Variants in DACT2 observed in about 807,000 individuals in gnomAD.
DACT2 encodes dapper homolog 2.
In DACT2, 20 loss-of-function variants were observed where a neutral mutation model predicts 22.2. The ratio of observed to expected loss-of-function variants is 0.90; its 90% CI spans 0.63 to 1.31. DACT2 has a LOEUF of 1.31. DACT2 is among the 50% of genes most tolerant of loss of function. The pLI is 0.00. For synonymous variants in DACT2, 463 were observed against 479.8 expected, an observed-to-expected ratio of 0.96 and a Z score of 0.46; for missense variants, 1,048 against 1,061.4, an observed-to-expected ratio of 0.99 and a Z score of 0.18.
intron 2 of DACT2, 52 bp from the exon 3 acceptor site, chr6:168,310,498 G>A: frequency 6.6e-7 from 1 of 1,523,740 alleles, no homozygotes; most frequent in Non-Finnish European, 8.8e-7. Context: ...AAAAGCCCAG[G>A]GCCCCCTCTC....
In DACT2 at chr6:168,319,755, G is replaced by C; in HGVS notation, c.-122C>G. Reference sequence around the variant, plus strand: ...CCTCTCTCCGCCCCCGGCTCCGCAGGTCGCCAAGGTGGGCTGGAATCTGTG... The same window carrying C: ...CCTCTCTCCGCCCCCGGCTCCGCAGCTCGCCAAGGTGGGCTGGAATCTGTG... On this transcript the variant is annotated 5_prime_UTR_variant, in exon 1 of 4. Transcript: ENST00000366795. 1.7e-6 allele frequency: 2 copies of C among 1,175,226 alleles called. No homozygotes were observed. Among genetic ancestry groups the C allele is most frequent in the Non-Finnish European group, 2.1e-6 (2 of 951,282 alleles). The allele number at this position is 1,175,226 out of a possible 1,614,324, so 72.8% of individuals were successfully genotyped here.
Position 168,307,130 on chromosome 6 carries a change from A to G in DACT2, c.*302T>C. On this transcript the variant is annotated 3_prime_UTR_variant, in exon 4 of 4. Transcript: ENST00000366795. This position sits in a 1 kb window ranked among gnomAD's most constrained non-coding sequence, Gnocchi z 5.3. ...CAGGGGAAGCCATGGGAGGATGACAACATGGAAACAAGGTGCATGCCGGGA... is the reference window on the plus strand; with the variant it reads ...CAGGGGAAGCCATGGGAGGATGACAGCATGGAAACAAGGTGCATGCCGGGA... 8.5e-7 allele frequency: 1 copy of G among 1,181,970 alleles called. No homozygotes were observed. Among genetic ancestry groups the G allele is most frequent in the African/African-American group, 1.6e-5 (1 of 62,752 alleles). 73.2% of individuals were successfully genotyped at this position (1,181,970 alleles called of 1,614,324 possible).
chr6:168,301,749 C>T (rs73789349), intron 3 of DACT2, among the ~76,000 whole-genome samples: 3,471 of 152,346 alleles, frequency 0.023, 120 homozygotes, highest in African/African-American at 0.079. Flanking sequence ...TCTGCCTGCC[C>T]AGCCCACTCA....
rs1437213801 is a variant in DACT2, at chr6:168,319,521, G to A, written c.113C>T (p.Thr38Met). The change falls in exon 1 of 4, where the codon ACG (threonine) becomes ATG (methionine). Residue 38 changes from threonine (T) to methionine (M), a missense_variant. Thr to Met is a moderately conservative substitution (Grantham distance 81). Transcript: ENST00000366795. Reference protein sequence around the residue: ...GLQELQGLRATQQERVRGALA... With the variant: ...GLQELQGLRAMQQERVRGALA... Reference sequence around the variant, plus strand: ...GGCGCCCCGTACCCGCTCCTGCTGCGTGGCTCGCAGCCCCTGCAGCTCCTG... The same window carrying A: ...GGCGCCCCGTACCCGCTCCTGCTGCATGGCTCGCAGCCCCTGCAGCTCCTG... 1.1e-5 allele frequency: 15 copies of A among 1,355,680 alleles called. No individual in the cohort carries two copies. In the African/African-American group the frequency reaches 1.7e-4, roughly 15 times the overall value. 84.0% of individuals were successfully genotyped at this position (1,355,680 alleles called of 1,614,324 possible).
In DACT2 at chr6:168,309,037, C is replaced by T. The variant is rs1285388334; in HGVS notation, c.720G>A (p.Glu240=). 1.7e-5 allele frequency: 26 copies of T among 1,544,784 alleles called. No homozygotes were observed. In the East Asian group the frequency reaches 2.9e-4, roughly 17 times the overall value. The change falls in exon 4 of 4, where the codon GAG becomes GAA. Residue 240 remains glutamate, a synonymous_variant. Transcript: ENST00000366795. Reference sequence around the variant, plus strand: ...CCCCCTGGCAGAGGAGCCCGAGGAGCTCGGCGTCCGCGCTGGCTTTCTGGA... The same window carrying T: ...CCCCCTGGCAGAGGAGCCCGAGGAGTTCGGCGTCCGCGCTGGCTTTCTGGA... The part of the protein sequence containing the change: ...TGLQKASADA[E]LLGLLCQGVD...
Position 168,308,151 on chromosome 6 carries a change from G to T in DACT2, c.1606C>A (p.Pro536Thr). The change falls in exon 4 of 4, where the codon CCT becomes ACT. Residue 536 changes from proline to threonine, a missense_variant. Transcript: ENST00000366795. Reference protein sequence around the residue: ...AAPQPSLEWDPAHWPTGRGGL... With the variant: ...AAPQPSLEWDTAHWPTGRGGL... ...CCCCTCCCTGTGGGCCAGTGGGCAG[G>T]GTCCCACTCCAGGGATGGCTGGGGG... The T allele has an allele frequency of 1.3e-6, 2 of 1,550,594 alleles. No individual in the cohort carries two copies. Among genetic ancestry groups the T allele is most frequent in the South Asian group, 1.2e-5 (1 of 84,016 alleles).
Position 168,307,173 on chromosome 6 carries a change from A to G in DACT2, c.*259T>C. The G allele has an allele frequency of 7.5e-7, 1 of 1,338,908 alleles. No individual in the cohort carries two copies. The highest frequency in any genetic ancestry group is 9.6e-7 in the Non-Finnish European group (1 of 1,046,406). The allele number at this position is 1,338,908 out of a possible 1,614,324, so 82.9% of individuals were successfully genotyped here. The stretch of plus-strand genomic sequence containing the variant: ...TGCCGGGAAGCAGCATCCTGGGCAG[A>G]CCTTGAAAAGAGACACTAGGTCGGC... On this transcript the variant is annotated 3_prime_UTR_variant, in exon 4 of 4. Transcript: ENST00000366795. The surrounding 1 kb of genome is among the most constrained non-coding windows in gnomAD (Gnocchi z 5.3).
At chr6:168,294,124 A>G (rs924511815) in intron 5 of DACT2, 2 of 703,002 alleles carry the variant, frequency 2.8e-6, no homozygotes, top group Non-Finnish European at 5.2e-6. Flanking sequence ...GTGAGCATGG[A>G]GCACTTACCA....
Position 168,308,964 on chromosome 6 carries a change from C to G in DACT2, c.793G>C (p.Val265Leu). 5.2e-6 allele frequency: 8 copies of G among 1,549,520 alleles called. No individual in the cohort carries two copies. Among genetic ancestry groups the G allele is most frequent in the Non-Finnish European group, 7.0e-6 (8 of 1,146,966 alleles). The change falls in exon 4 of 4, where the codon GTG becomes CTG. Residue 265 changes from valine to leucine, a missense_variant. Coordinates refer to ENST00000366795, the MANE Select transcript of DACT2 (RefSeq NM_214462.5). Reference protein sequence around the residue: ...VPDPKYRQDLVSQGGREVYPY... With the variant: ...VPDPKYRQDLLSQGGREVYPY... ...TACACCTCCCTGCCGCCCTGGGACA[C>G]CAGGTCCTGCCGATACTTGGGGTCC...
At chr6:168,301,006 CAAAA>C (rs574174392) in intron 3 of DACT2, among the ~76,000 whole-genome samples, 4 of 147,408 alleles carry the variant, frequency 2.7e-5, no homozygotes, top group African/African-American at 7.8e-5. Flanking sequence ...AACAAACAAA[CAAAA>C]AAACAAAAAA....
chr6:168,311,101 C>T, intron 2 of DACT2, 51 bp downstream of exon 2: 1 of 1,479,488 alleles, frequency 6.8e-7, no homozygotes. Flanking sequence ...TTCACCTCTG[C>T]CTGTGCTGCG....
Position 168,308,271 on chromosome 6 carries a change from C to T in DACT2, c.1486G>A (p.Ala496Thr). Residue 496 changes from alanine (A) to threonine (T), a missense_variant, in exon 4 of 4, where the codon GCT becomes ACT. Physicochemically the swap from Ala to Thr is moderately conservative, Grantham distance 58. Coordinates refer to ENST00000366795, the MANE Select transcript of DACT2 (RefSeq NM_214462.5). ...SLKMGPPKSK[A>T]EKIKRSPMDK... ...ATGGGACTTCTCTTGATTTTTTCAG[C>T]CTTGCTCTTGGGGGGACCCATTTTC... The T allele has an allele frequency of 6.4e-7, 1 of 1,552,264 alleles. No individual in the cohort carries two copies. Among genetic ancestry groups the T allele is most frequent in the Non-Finnish European group, 8.7e-7 (1 of 1,147,102 alleles).
intron 3 of DACT2, among the ~76,000 whole-genome samples, chr6:168,309,965 G>A (rs1188246385): frequency 6.6e-6 from 1 of 152,202 alleles, no homozygotes; most frequent in African/African-American, 2.4e-5. Context: ...TGTTATTAGA[G>A]CTGGTGGTGA....
At chr6:168,306,799 T>C (rs1562493982), downstream of DACT2, 6 of 819,814 alleles carry the variant, frequency 7.3e-6, no homozygotes, top group Admixed American at 3.1e-4. Context: ...TACTCACTTA[T>C]AAGATGCCTT....
rs1450231847 is a variant in DACT2, at chr6:168,319,669, A to T, written c.-36T>A. On this transcript the variant is annotated 5_prime_UTR_variant, in exon 1 of 4. Coordinates refer to ENST00000366795, the MANE Select transcript of DACT2 (RefSeq NM_214462.5). ...GGGTCCCGGCCTCCCGAACCCCACGAGCGGCGCCGGAGGCCCAGCGCGCGC... is the reference window on the plus strand; with the variant it reads ...GGGTCCCGGCCTCCCGAACCCCACGTGCGGCGCCGGAGGCCCAGCGCGCGC... 1 of 1,209,360 alleles carries T rather than the reference A, an allele frequency of 8.3e-7. No individual in the cohort carries two copies. Among genetic ancestry groups the T allele is most frequent in the Non-Finnish European group, 1.0e-6 (1 of 972,012 alleles). The allele number at this position is 1,209,360 out of a possible 1,614,324, so 74.9% of individuals were successfully genotyped here.
At chr6:168,297,801 T>C (rs1252809835) in intron 3 of DACT2, among the ~76,000 whole-genome samples, 1 of 152,226 alleles carries the variant, frequency 6.6e-6, no homozygotes, top group East Asian at 1.9e-4. Context: ...AGTCCATCAT[T>C]AGAGGAATGG....
At chr6:168,306,528 C>T (rs540492488), downstream of DACT2, among the ~76,000 whole-genome samples, 22 of 152,026 alleles carry the variant, frequency 1.4e-4, no homozygotes, top group Admixed American at 7.2e-4. Flanking sequence ...CTGCAGCCTC[C>T]GCCTCCTGGG....
At position 168,307,034 on chromosome 6, in the gene DACT2, CTTTAAAATGCT is replaced by C. The variant is rs1779224702; in HGVS notation, c.*387_*397del. The C allele has an allele frequency of 9.8e-7, 1 of 1,015,792 alleles. No homozygotes were observed. The highest frequency in any genetic ancestry group is 1.7e-5 in the African/African-American group (1 of 58,060). 62.9% of individuals were successfully genotyped at this position (1,015,792 alleles called of 1,614,324 possible). ...CCAGCTCAGAGTCCTGCAACCGCCT[CTTTAAAATGCT>C]TTTGGGGAGGAATGGTCAAAGGATT... On this transcript the variant is annotated 3_prime_UTR_variant, in exon 4 of 4. Coordinates refer to ENST00000366795, the MANE Select transcript of DACT2 (RefSeq NM_214462.5). The surrounding 1 kb of genome is among the most constrained non-coding windows in gnomAD (Gnocchi z 5.3).
downstream of DACT2, among the ~76,000 whole-genome samples, chr6:168,305,230 ATGG>A (rs1779180856): frequency 6.6e-6 from 1 of 152,164 alleles, no homozygotes; most frequent in Non-Finnish European, 1.5e-5. Flanking sequence ...TGGAGTCTGC[ATGG>A]TTCTCCTGGT....
Sources: gnomAD v4.1 joint callset for allele counts (sites outside exome capture counted in the v4.1 genomes callset) on GRCh38, gnomAD v4.1.1 for gene constraint, Gnocchi (gnomAD v3.1) non-coding constraint, MANE v1.5 for transcripts, NCBI Gene and HGNC (gene_info 2026-07-23, HGNC 2026-07-21) for gene names.